Variants in ANK3 observed in about 807,000 individuals in gnomAD.
ANK3 encodes ankyrin 3, also known as ankyrin-3.
A neutral mutation model predicts 370.9 loss-of-function variants in ANK3; 57 were observed. The observed-to-expected ratio is 0.15, with a 90% CI of 0.12 to 0.19. The LOEUF (loss-of-function observed/expected upper bound fraction) is 0.19. ANK3 is among the 10% of genes least tolerant of loss of function. ANK3 has a pLI of 1.00. For missense variants in ANK3, 4,439 were observed against 5,302.1 expected (o/e 0.84, Z 5.06); for synonymous variants, 1,929 against 1,946.3 (o/e 0.99, Z 0.23).
In ANK3 at chr10:60,026,562, T is replaced by C. The variant is rs935605266; in HGVS notation, c.*3284A>G. 6.6e-6 allele frequency: 1 copy of C among 152,228 alleles called. No individual in the cohort carries two copies. Among genetic ancestry groups the C allele is most frequent in the Non-Finnish European group, 1.5e-5 (1 of 68,040 alleles). The allele number at this position is 152,228 out of a possible 1,614,324, so 9.4% of individuals were successfully genotyped here. On this transcript the variant is annotated 3_prime_UTR_variant, in exon 44 of 44. Transcript: ENST00000280772. ...CCCTGTCATACAGCCAAACGTGAGC[T>C]GATGCTGACAATAGTTTATTGGCCA...
chr10:60,245,148 G>A (rs535788268), intron 7 of ANK3, among the ~76,000 whole-genome samples: 12 of 151,784 alleles, frequency 7.9e-5, no homozygotes, highest in African/African-American at 2.7e-4. Context: ...CAGCCTGGGC[G>A]ACAGAGCGAG....
At chr10:60,398,934 C>T (rs904660059) in intron 2 of ANK3, among the ~76,000 whole-genome samples, 2 of 152,108 alleles carry the variant, frequency 1.3e-5, no homozygotes, top group African/African-American at 2.4e-5. Flanking sequence ...AGTTCTGATG[C>T]TTTATATTTT....
intron 1 of ANK3, among the ~76,000 whole-genome samples, chr10:60,618,761 T>C (rs1321150262): frequency 1.3e-5 from 2 of 152,078 alleles, no homozygotes; most frequent in Admixed American, 1.3e-4. Flanking sequence ...GCCCATCCGC[T>C]TTCCTTTTCA....
chr10:60,260,970 G>C (rs16914670), intron 7 of ANK3, among the ~76,000 whole-genome samples: 15,991 of 152,226 alleles, frequency 0.11, 946 homozygotes, highest in South Asian at 0.17. Context: ...TGCTGTTAGT[G>C]ATGATACTAC....
intron 28 of ANK3, among the ~76,000 whole-genome samples, chr10:60,094,986 G>T (rs10994195): frequency 0.72 from 109,516 of 152,174 alleles, 40,483 homozygotes; most frequent in East Asian, 0.92. Flanking sequence ...AATAGAGAAC[G>T]AAATCCCCAG....
intron 2 of ANK3, among the ~76,000 whole-genome samples, chr10:60,412,323 A>G (rs1357192085): frequency 6.6e-6 from 1 of 152,162 alleles, no homozygotes; most frequent in African/African-American, 2.4e-5. Flanking sequence ...TGAAGAGAAC[A>G]AAAGAAATTG....
intron 1 of ANK3, among the ~76,000 whole-genome samples, chr10:60,325,901 C>A (rs910307954): frequency 6.6e-6 from 1 of 151,968 alleles, no homozygotes; most frequent in African/African-American, 2.4e-5. Context: ...AATGATAGAC[C>A]GAATAAAGAA....
chr10:60,187,442 A>G (rs1478081470), intron 16 of ANK3, among the ~76,000 whole-genome samples: 1 of 152,202 alleles, frequency 6.6e-6, no homozygotes, highest in Non-Finnish European at 1.5e-5. Context: ...GGCGTGAGTC[A>G]CTGCGCCCGG....
intron 2 of ANK3, among the ~76,000 whole-genome samples, chr10:60,492,368 A>G (rs1349828070): frequency 6.6e-6 from 1 of 152,176 alleles, no homozygotes; most frequent in Non-Finnish European, 1.5e-5. Flanking sequence ...GATTGTCCTG[A>G]GACATAAAAG....
chr10:60,268,379 A>G (rs1230074475), intron 5 of ANK3, among the ~76,000 whole-genome samples: 1 of 152,174 alleles, frequency 6.6e-6, no homozygotes, highest in African/African-American at 2.4e-5. Flanking sequence ...GTAACAATCT[A>G]CTATGGACAT....
rs570864154 is a variant in ANK3, at chr10:60,594,649, A to G, written c.96+20537T>C. ...TATATGTGAAAAAAATATATATAAG[A>G]AAAGTAAAATGTAGACACAGCAAAT... On this transcript the variant is annotated intron_variant, in intron 2 of 43. Coordinates refer to the ANK3 transcript ENST00000373827. Among the ~76,000 whole-genome samples, 4 of 152,328 alleles carry G rather than the reference A, an allele frequency of 2.6e-5. No homozygotes were observed. The South Asian group carries it at 6.2e-4, about 24-fold the overall frequency.
upstream of ANK3, among the ~76,000 whole-genome samples, chr10:60,392,650 C>A (rs2063135850): frequency 6.6e-6 from 1 of 152,182 alleles, no homozygotes; most frequent in Admixed American, 6.5e-5. Flanking sequence ...TAGGGTATGC[C>A]GGGCGCGGTG....
At chr10:60,286,994 G>T (rs979233597) in intron 1 of ANK3, among the ~76,000 whole-genome samples, 1 of 152,034 alleles carries the variant, frequency 6.6e-6, no homozygotes, top group Non-Finnish European at 1.5e-5. Context: ...CTTCCATCTG[G>T]TGACAAATGG....
rs558178580 is a variant in ANK3, at chr10:60,273,121, G to A, written c.415-2892C>T. On this transcript the variant is annotated intron_variant, in intron 4 of 43. Coordinates refer to ENST00000280772, the MANE Select transcript of ANK3 (RefSeq NM_020987.5). Reference sequence around the variant, plus strand: ...AATCACTCTACATGCCCTGTTTTATGATGACAGAAACTGAGATGCACAGAA... The same window carrying A: ...AATCACTCTACATGCCCTGTTTTATAATGACAGAAACTGAGATGCACAGAA... Among the ~76,000 whole-genome samples, 3 of 152,284 alleles carry A rather than the reference G, an allele frequency of 2.0e-5. No homozygotes were observed. The South Asian group carries it at 6.2e-4, about 32-fold the overall frequency.
chr10:60,401,934 A>T (rs1022440246), intron 2 of ANK3, among the ~76,000 whole-genome samples: 1 of 152,216 alleles, frequency 6.6e-6, no homozygotes, highest in Non-Finnish European at 1.5e-5. Flanking sequence ...TACTGAAGAG[A>T]CTGGTGGAAT....
At chr10:60,558,235 G>A (rs539137804) in intron 2 of ANK3, among the ~76,000 whole-genome samples, 1 of 152,268 alleles carries the variant, frequency 6.6e-6, no homozygotes, top group East Asian at 1.9e-4. Context: ...TAGAAAATGG[G>A]AGTTTCAGTT....
At chr10:60,283,504 G>A (rs1427473061) in intron 1 of ANK3, among the ~76,000 whole-genome samples, 13 of 152,146 alleles carry the variant, frequency 8.5e-5, no homozygotes, top group African/African-American at 3.1e-4. Context: ...TAAGGAATTA[G>A]TTGCACAAAA....
At chr10:60,279,007 A>G in intron 3 of ANK3, 43 bp downstream of exon 3, 1 of 1,594,276 alleles carries the variant, frequency 6.3e-7, no homozygotes, top group South Asian at 1.1e-5. Context: ...TCCTCACAGA[A>G]CATGGCGAGT....
intron 25 of ANK3, among the ~76,000 whole-genome samples, chr10:60,118,745 A>T (rs1387761897): frequency 4.6e-5 from 7 of 152,162 alleles, no homozygotes; most frequent in African/African-American, 1.7e-4. Flanking sequence ...TCATTTTTTT[A>T]AAAAAAGTTC....
Sources: gnomAD v4.1 joint callset for allele counts (sites outside exome capture counted in the v4.1 genomes callset) on GRCh38, gnomAD v4.1.1 for gene constraint, MANE v1.5 for transcripts, NCBI Gene and HGNC (gene_info 2026-07-23, HGNC 2026-07-21) for gene names.